VSTM2A: variants seen among roughly 807,000 people sequenced by gnomAD.
VSTM2A encodes V-set and transmembrane domain-containing protein 2A.
A neutral mutation model predicts 27.3 loss-of-function variants in VSTM2A; 13 were observed. The ratio of observed to expected loss-of-function variants is 0.48; its 90% CI spans 0.31 to 0.76. The LOEUF is 0.76. Among genes scored for constraint, VSTM2A ranks in the 30% least tolerant of loss-of-function variants. The probability of loss-of-function intolerance (pLI) is 0.05; values close to 1 mark genes in which losing one functional copy is unlikely to be tolerated. For synonymous variants in VSTM2A, 142 were observed against 125.7 expected (o/e 1.13, Z -0.87); for missense variants, 280 against 310.0 (o/e 0.90, Z 0.73).
At chr7:54,543,713 C>A (rs1043091825) in intron 1 of VSTM2A, among the ~76,000 whole-genome samples, 1 of 152,142 alleles carries the variant, frequency 6.6e-6, no homozygotes, top group Admixed American at 6.5e-5. Context: ...ACTGGCCATA[C>A]AAATCTTCCC....
chr7:54,553,879 T>C, intron 4 of VSTM2A: 1 of 1,551,238 alleles, frequency 6.4e-7, no homozygotes, highest in African/African-American at 1.4e-5. Flanking sequence ...TCTCCAATCC[T>C]TCCAGAAGTC....
intron 4 of VSTM2A, among the ~76,000 whole-genome samples, chr7:54,555,885 G>GC (rs1395683622): frequency 2.6e-5 from 4 of 152,168 alleles, no homozygotes; most frequent in African/African-American, 7.2e-5. Flanking sequence ...GCCTACCTAT[G>GC]CCAGACTCAT....
chr7:54,565,360 G>T (rs1788688699), intron 4 of VSTM2A, among the ~76,000 whole-genome samples: 1 of 152,190 alleles, frequency 6.6e-6, no homozygotes, highest in Non-Finnish European at 1.5e-5. Flanking sequence ...CACCTAGCAG[G>T]TCCCCAATAG....
rs1476030685 is a variant in VSTM2A, at chr7:54,542,777, T to C, written c.47T>C (p.Val16Ala). The C allele has an allele frequency of 6.2e-7, 1 of 1,613,886 alleles. No individual in the cohort carries two copies. Among genetic ancestry groups the C allele is most frequent in the Non-Finnish European group, 8.5e-7 (1 of 1,179,840 alleles). ...TATGTTGGATTTGTTTTCTTTTCCG[T>C]TTTATATGTACAACAAGGGCTTTCT... is the stretch of plus-strand genomic sequence containing the variant. The part of the protein sequence containing the change: ...LVYVGFVFFS[V>A]LYVQQGLSSQ... The change falls in exon 1 of 5, where the codon GTT (valine) becomes GCT (alanine). Residue 16 changes from valine (V) to alanine (A), a missense_variant. Physicochemically the swap from Val to Ala is moderately conservative, Grantham distance 64. Coordinates refer to ENST00000402613, the MANE Select transcript of VSTM2A (RefSeq NM_001301009.2).
At chr7:54,553,492 A>G (rs571792933) in intron 4 of VSTM2A, among the ~76,000 whole-genome samples, 2 of 152,334 alleles carry the variant, frequency 1.3e-5, no homozygotes, top group East Asian at 3.9e-4. Context: ...CAAGAAGCTT[A>G]TCAAGAGAAG....
Position 54,569,271 on chromosome 7 carries a change from A to G in VSTM2A, c.*52A>G. ...CGGAAGCATAAATGAAGAGGCTATCACATGCTTTGTTGATCATATTTTCTT... is the reference window on the plus strand; with the variant it reads ...CGGAAGCATAAATGAAGAGGCTATCGCATGCTTTGTTGATCATATTTTCTT... On this transcript the variant is annotated 3_prime_UTR_variant, in exon 5 of 5. Coordinates refer to ENST00000402613, the MANE Select transcript of VSTM2A (RefSeq NM_001301009.2). 6.5e-7 allele frequency: 1 copy of G among 1,547,732 alleles called. No individual in the cohort carries two copies. The highest frequency in any genetic ancestry group is 8.7e-7 in the Non-Finnish European group (1 of 1,145,266).
chr7:54,543,646 T>C (rs944588049), intron 1 of VSTM2A, among the ~76,000 whole-genome samples: 8 of 152,118 alleles, frequency 5.3e-5, no homozygotes, highest in African/African-American at 1.9e-4. Context: ...CCCAAATCAT[T>C]TCTGCATTCC....
intron 4 of VSTM2A, among the ~76,000 whole-genome samples, chr7:54,565,497 A>G (rs1435568386): frequency 6.6e-6 from 1 of 152,350 alleles, no homozygotes; most frequent in East Asian, 1.9e-4. Flanking sequence ...CGGAGGTCTA[A>G]ACTAAAAAGG....
intron 4 of VSTM2A, chr7:54,554,197 A>C: frequency 1.4e-6 from 2 of 1,439,096 alleles, no homozygotes; most frequent in South Asian, 2.8e-5. Context: ...TTCTCCCTCG[A>C]TCACTCCTTC....
intron 4 of VSTM2A, among the ~76,000 whole-genome samples, chr7:54,563,830 G>A (rs1788637082): frequency 6.6e-6 from 1 of 152,186 alleles, no homozygotes; most frequent in Non-Finnish European, 1.5e-5. Flanking sequence ...TATGTATTAG[G>A]TCAAAGTGAA....
Position 54,555,844 on chromosome 7 carries a change from C to T in VSTM2A, c.634+5674C>T, listed in dbSNP as rs754803779. ...ACTACTCTAGAACTGATCAAGACTC[C>T]CAAACAGTGTTTCTCAAAGTGAGTT... is the stretch of plus-strand genomic sequence containing the variant. On this transcript the variant is annotated intron_variant, in intron 4 of 4. Transcript: ENST00000402613. 6.6e-5 allele frequency among the ~76,000 whole-genome samples: 10 copies of T among 152,026 alleles called. 1 individual carries two copies. Among genetic ancestry groups the T allele is most frequent in the Non-Finnish European group, 1.5e-4 (10 of 68,020 alleles).
At chr7:54,553,319 A>G (rs2115839509) in intron 4 of VSTM2A, among the ~76,000 whole-genome samples, 1 of 152,330 alleles carries the variant, frequency 6.6e-6, no homozygotes, top group East Asian at 1.9e-4. Flanking sequence ...AAAATAATGA[A>G]GCAAAACGGT....
Position 54,542,705 on chromosome 7 carries a change from T to G in VSTM2A, c.-26T>G, listed in dbSNP as rs376631703. Reference sequence around the variant, plus strand: ...AGGGCTTTTCGGCTGTTGGCTACACTGATGTGACCCCCCTCCCTTTTTGGA... The same window carrying G: ...AGGGCTTTTCGGCTGTTGGCTACACGGATGTGACCCCCCTCCCTTTTTGGA... On this transcript the variant is annotated 5_prime_UTR_variant, in exon 1 of 5. Coordinates refer to ENST00000402613, the MANE Select transcript of VSTM2A (RefSeq NM_001301009.2). The G allele has an allele frequency of 6.1e-5, 99 of 1,610,832 alleles. No individual in the cohort carries two copies. The African/African-American group carries it at 1.1e-3, about 18-fold the overall frequency.
intron 4 of VSTM2A, chr7:54,550,518 G>A (rs929278229): frequency 4.0e-5 from 16 of 403,470 alleles, no homozygotes; most frequent in Admixed American, 3.0e-4. Flanking sequence ...TTTATGTATC[G>A]ATAATGACCC....
Position 54,546,777 on chromosome 7 carries a change from G to T in VSTM2A, c.247-170G>T, listed in dbSNP as rs1788005746. On this transcript the variant is annotated intron_variant, in intron 2 of 4. Transcript: ENST00000402613. Reference sequence around the variant, plus strand: ...CAGCGTGGGGTATGCCAGGGACAGCGTGGGGGCGGTGCGGTCTGGGCCTGG... The same window carrying T: ...CAGCGTGGGGTATGCCAGGGACAGCTTGGGGGCGGTGCGGTCTGGGCCTGG... 1.0e-5 allele frequency: 7 copies of T among 666,920 alleles called. No individual in the cohort carries two copies. In the South Asian group the frequency reaches 1.2e-4, roughly 11 times the overall value. The allele number at this position is 666,920 out of a possible 1,614,324, so 41.3% of individuals were successfully genotyped here.
At chr7:54,550,452 C>A in intron 4 of VSTM2A, 1 of 691,214 alleles carries the variant, frequency 1.4e-6, no homozygotes, top group Non-Finnish European at 2.2e-6. Flanking sequence ...ATTATAAGAA[C>A]AATAAATCAT....
At chr7:54,559,662 A>G (rs1788487693) in intron 4 of VSTM2A, 1 of 152,136 alleles carries the variant, frequency 6.6e-6, no homozygotes, top group Non-Finnish European at 1.5e-5. Context: ...TTCCAAGGAT[A>G]TCATAGCGAG....
intron 4 of VSTM2A, among the ~76,000 whole-genome samples, chr7:54,561,232 G>A (rs924842000): frequency 7.2e-5 from 11 of 152,186 alleles, no homozygotes; most frequent in African/African-American, 2.7e-4. Context: ...GGGTGTCATT[G>A]CAGCACCTAG....
intron 4 of VSTM2A, among the ~76,000 whole-genome samples, chr7:54,555,874 A>G (rs935221019): frequency 6.6e-6 from 1 of 152,200 alleles, no homozygotes; most frequent in Non-Finnish European, 1.5e-5. Context: ...TGAGTTGTGC[A>G]GCCTACCTAT....
Sources: gnomAD v4.1 joint callset for allele counts (sites outside exome capture counted in the v4.1 genomes callset) on GRCh38, gnomAD v4.1.1 for gene constraint, MANE v1.5 for transcripts, NCBI Gene and HGNC (gene_info 2026-07-23, HGNC 2026-07-21) for gene names.